RTN1: variants seen among roughly 807,000 people sequenced by gnomAD.
The protein encoded by RTN1 is reticulon-1.
A neutral mutation model predicts 65.5 loss-of-function variants in RTN1; 25 were observed. The ratio of observed to expected loss-of-function variants is 0.38; its 90% CI spans 0.28 to 0.53. The LOEUF is 0.53. RTN1 is among the 20% of genes least tolerant of loss of function. The pLI is 0.79. For synonymous variants in RTN1, 471 were observed against 447.6 expected (o/e 1.05, Z -0.66); for missense variants, 983 against 1,025.4 (o/e 0.96, Z 0.57).
chr14:59,865,466 T>C (rs888084940), intron 1 of RTN1, among the ~76,000 whole-genome samples: 1 of 152,162 alleles, frequency 6.6e-6, no homozygotes, highest in African/African-American at 2.4e-5. Context: ...TCTTTCTGTA[T>C]GTTTCAATTT....
chr14:59,640,733 A>G (rs1882759412), intron 3 of RTN1, among the ~76,000 whole-genome samples: 1 of 152,240 alleles, frequency 6.6e-6, no homozygotes. Context: ...CATTTCTGAT[A>G]TTGTTAAATT....
intron 2 of RTN1, among the ~76,000 whole-genome samples, chr14:59,729,692 A>T (rs546465323): frequency 6.6e-6 from 1 of 152,188 alleles, no homozygotes. Context: ...CGCACTTTAC[A>T]TATGGAACTT....
chr14:59,668,617 C>G (rs1357651093), intron 3 of RTN1, among the ~76,000 whole-genome samples: 5 of 152,162 alleles, frequency 3.3e-5, no homozygotes, highest in Non-Finnish European at 7.4e-5. Flanking sequence ...TCTAATTAAA[C>G]TAAAGAGCTT....
rs1461602897 is a variant in RTN1 at position 59,829,628 on chromosome 14, C to T, written c.241+40762G>A. On this transcript the variant is annotated intron_variant, in intron 1 of 8. Transcript: ENST00000267484. This position sits in a 1 kb window ranked among gnomAD's most constrained non-coding sequence, Gnocchi z 4.3. ...GCACCAAACAACATTTCATTTCCTG[C>T]TCATGCTCCCTGTCCAGGCAGGTTG... 6.6e-6 allele frequency among the ~76,000 whole-genome samples: 1 copy of T among 152,228 alleles called. No homozygotes were observed. Among genetic ancestry groups the T allele is most frequent in the African/African-American group, 2.4e-5 (1 of 41,458 alleles).
At chr14:59,753,646 G>A (rs565232606) in intron 1 of RTN1, among the ~76,000 whole-genome samples, 84 of 152,270 alleles carry the variant, frequency 5.5e-4, no homozygotes, top group African/African-American at 1.8e-3. Context: ...TTGGAGCAGA[G>A]TCCTGTGGGG....
Position 59,726,988 on chromosome 14 carries a change from C to A in RTN1, c.1696G>T (p.Ala566Ser). 1 of 1,613,392 alleles carries A rather than the reference C, an allele frequency of 6.2e-7. No individual in the cohort carries two copies. Residue 566 changes from alanine to serine, a missense_variant, in exon 3 of 9, where the codon GCC becomes TCC. Physicochemically the swap from Ala to Ser is moderately conservative, Grantham distance 99 (BLOSUM62 1). Around this residue, in one of 2 missense-constraint regions of RTN1, gnomAD observed 818 missense variants for 801.8 expected, o/e 1.02. Transcript: ENST00000267484. ...EDSSSNQSPA[A>S]TKGPGPLGPG... is the part of the protein sequence containing the mutation. ...CCTAGAGGCCCAGGGCCCTTTGTGG[C>A]CGCAGGACTTTGGTTGGAACTCGAG...
intron 1 of RTN1, among the ~76,000 whole-genome samples, chr14:59,771,925 C>T (rs1885966813): frequency 6.6e-6 from 1 of 152,190 alleles, no homozygotes; most frequent in African/African-American, 2.4e-5. Flanking sequence ...GAAATATCTG[C>T]ATTTAAATTG....
intron 1 of RTN1, among the ~76,000 whole-genome samples, chr14:59,820,589 AAGGGG>A (rs1470039160): frequency 6.6e-6 from 1 of 151,998 alleles, no homozygotes; most frequent in Non-Finnish European, 1.5e-5. Flanking sequence ...TGGTGAAAGG[AAGGGG>A]TCGGTGCAGT....
At chr14:59,748,210 G>GTTTT (rs67657505) in intron 1 of RTN1, among the ~76,000 whole-genome samples, 9,361 of 125,788 alleles carry the variant, frequency 0.074, 1,138 homozygotes, top group African/African-American at 0.26. Flanking sequence ...AGTCTGTGAG[G>GTTTT]TTTTTTTTTT....
intron 3 of RTN1, among the ~76,000 whole-genome samples, chr14:59,611,206 T>C (rs1043116157): frequency 3.9e-5 from 6 of 152,184 alleles, no homozygotes; most frequent in African/African-American, 2.4e-5. Context: ...AGTTACAAAT[T>C]TGGGGGCTCA....
intron 1 of RTN1, among the ~76,000 whole-genome samples, chr14:59,842,991 C>T (rs12433719): frequency 0.25 from 37,895 of 152,094 alleles, 5,009 homozygotes; most frequent in East Asian, 0.55. Flanking sequence ...TAGGTACATA[C>T]TCAAGAGAAA....
intron 8 of RTN1, among the ~76,000 whole-genome samples, chr14:59,602,312 T>C (rs1881605040): frequency 6.6e-6 from 1 of 152,154 alleles, no homozygotes; most frequent in Non-Finnish European, 1.5e-5. Context: ...TATTTATAGT[T>C]AAAGATTAGG....
chr14:59,723,495 T>C (rs1217075672), intron 3 of RTN1, among the ~76,000 whole-genome samples: 1 of 151,372 alleles, frequency 6.6e-6, no homozygotes, highest in African/African-American at 2.4e-5. Context: ...TGGGCGCCTG[T>C]AGTCCCAGCT....
chr14:59,805,916 T>A (rs1254954282), intron 1 of RTN1, among the ~76,000 whole-genome samples: 1 of 152,146 alleles, frequency 6.6e-6, no homozygotes, highest in Admixed American at 6.5e-5. Flanking sequence ...AGAGGATGTC[T>A]CTTATGAATG....
chr14:59,705,590 G>A (rs1042120126), intron 3 of RTN1, among the ~76,000 whole-genome samples: 1 of 152,194 alleles, frequency 6.6e-6, no homozygotes, highest in Admixed American at 6.5e-5. Flanking sequence ...TTTTGCTAAT[G>A]TTTCTCCCTG....
At chr14:59,629,928 A>T (rs961585239) in intron 3 of RTN1, among the ~76,000 whole-genome samples, 8 of 152,204 alleles carry the variant, frequency 5.3e-5, no homozygotes, top group African/African-American at 1.4e-4. Flanking sequence ...TATTTTCAGG[A>T]TTTCGAGAGC....
chr14:59,739,789 G>A (rs116306503), intron 2 of RTN1, among the ~76,000 whole-genome samples: 1 of 152,142 alleles, frequency 6.6e-6, no homozygotes, highest in African/African-American at 2.4e-5. Flanking sequence ...ATGAACAGGG[G>A]AACAATGAGC....
At chr14:59,783,245 G>A (rs1021245571) in intron 1 of RTN1, among the ~76,000 whole-genome samples, 1 of 152,172 alleles carries the variant, frequency 6.6e-6, no homozygotes, top group African/African-American at 2.4e-5. Context: ...AGTTTCCACT[G>A]TATGTGCAAT....
chr14:59,790,519 C>T lies in RTN1; in HGVS notation c.242-44038G>A, dbSNP rs1412483477. Among the ~76,000 whole-genome samples the T allele has an allele frequency of 6.6e-6, 1 of 151,964 alleles. No homozygotes were observed. The highest frequency in any genetic ancestry group is 1.5e-5 in the Non-Finnish European group (1 of 67,962). On this transcript the variant is annotated intron_variant, in intron 1 of 8. Coordinates refer to ENST00000267484, the MANE Select transcript of RTN1 (RefSeq NM_021136.3). The surrounding 1 kb of genome is among the most constrained non-coding windows in gnomAD (Gnocchi z 4.1). ...CTGCCTTGGAAAATTCTGATAGAAG[C>T]CTGATTTTTCCTCTTCTAGGGGATT...
Sources: gnomAD v4.1 joint callset for allele counts (sites outside exome capture counted in the v4.1 genomes callset) on GRCh38, gnomAD v4.1.1 for gene constraint, gnomAD v4.1.1 regional missense constraint, Gnocchi (gnomAD v3.1) non-coding constraint, MANE v1.5 for transcripts, NCBI Gene and HGNC (gene_info 2026-07-23, HGNC 2026-07-21) for gene names.